The following GSTA5 variants were observed in gnomAD, a reference collection of about 807,000 sequenced individuals.
GSTA5 encodes the protein glutathione S-transferase alpha 5.
A neutral mutation model predicts 21.8 loss-of-function variants in GSTA5; 25 were observed. The observed-to-expected ratio is 1.14, with a 90% CI of 0.83 to 1.60. The LOEUF (loss-of-function observed/expected upper bound fraction) is 1.60, where lower values mean the gene tolerates loss of function less well. GSTA5 is among the 40% of genes most tolerant of loss of function. The probability of loss-of-function intolerance (pLI) is 0.00; values close to 1 mark genes in which losing one functional copy is unlikely to be tolerated. For missense variants in GSTA5, 330 were observed against 259.2 expected, an observed-to-expected ratio of 1.27 and a Z score of -1.88; for synonymous variants, 102 against 89.5, an observed-to-expected ratio of 1.14 and a Z score of -0.78.
Position 52,840,061 on chromosome 6 carries a change from C to T in GSTA5, c.87+666G>A, listed in dbSNP as rs543729817. On this transcript the variant is annotated intron_variant, in intron 1 of 5. Transcript: ENST00000370989. ...TTAATAGGTAGTTTGTTACAATCCA[C>T]TCCCTTACACCTCTCATTTATAGTT... Among the ~76,000 whole-genome samples the T allele has an allele frequency of 2.9e-3, 444 of 152,360 alleles. 2 individuals carry two copies. The highest frequency in any genetic ancestry group is 0.01 in the African/African-American group (422 of 41,586).
At chr6:52,836,305 G>A (rs771818589) in exon 3 of GSTA5, 1 of 1,613,544 alleles carries the variant, frequency 6.2e-7, no homozygotes, top group African/African-American at 1.3e-5. Context: ...AATGGCTCTG[G>A]TCTGCACCAG....
In GSTA5 at chr6:52,836,228, T is replaced by C; in HGVS notation, c.272+8A>G. ...TCTGTGGATGGAAGAACAGAAAATA[T>C]ACCATACAGGGCTCTCTCCTTCATG... is the stretch of plus-strand genomic sequence containing the variant. On this transcript the variant is annotated splice_region_variant and intron_variant, in intron 3 of 5. Transcript: ENST00000370989. 1 of 1,612,128 alleles carries C rather than the reference T, an allele frequency of 6.2e-7. No individual in the cohort carries two copies. Among genetic ancestry groups the C allele is most frequent in the Non-Finnish European group, 8.5e-7 (1 of 1,179,418 alleles).
chr6:52,834,065 C>A (rs1764256479), intron 4 of GSTA5, 76 bp downstream of exon 4: 1 of 1,533,984 alleles, frequency 6.5e-7, no homozygotes, highest in African/African-American at 1.4e-5. Context: ...GGTCAGTGGC[C>A]CCAGGAATGC....
intron 5 of GSTA5, 112 bp from the exon 6 acceptor site, chr6:52,832,082 G>A: frequency 1.4e-6 from 2 of 1,447,852 alleles, no homozygotes; most frequent in South Asian, 1.5e-5. Context: ...TCCCCTCCAT[G>A]AGTACCAGCA....
At chr6:52,835,154 C>T (rs1230966490) in intron 3 of GSTA5, among the ~76,000 whole-genome samples, 3 of 152,150 alleles carry the variant, frequency 2.0e-5, no homozygotes, top group Non-Finnish European at 4.4e-5. Flanking sequence ...GTACCATTAG[C>T]GGTATTCTTC....
chr6:52,834,412 C>T, intron 3 of GSTA5, 130 bp from the exon 4 acceptor site: 1 of 776,000 alleles, frequency 1.3e-6, no homozygotes, highest in African/African-American at 1.7e-5. Flanking sequence ...CTTTTATACG[C>T]TAGTCATTAT....
chr6:52,840,047 T>C (rs1764350097), intron 1 of GSTA5, among the ~76,000 whole-genome samples: 1 of 152,236 alleles, frequency 6.6e-6, no homozygotes, highest in Admixed American at 6.5e-5. Context: ...TAATAGGTAG[T>C]TTGTTACAAT....
intron 5 of GSTA5, 69 bp downstream of exon 5, chr6:52,832,790 C>G (rs1036793316): frequency 1.2e-6 from 2 of 1,607,384 alleles, no homozygotes; most frequent in Non-Finnish European, 1.7e-6. Context: ...TGGTCAGTCC[C>G]GGGGCCCAGA....
intron 3 of GSTA5, among the ~76,000 whole-genome samples, chr6:52,834,851 G>T (rs557348426): frequency 6.6e-6 from 1 of 152,220 alleles, no homozygotes; most frequent in East Asian, 1.9e-4. Context: ...CTCTCCATGT[G>T]CTGTTGCCTA....
At chr6:52,834,627 G>A (rs1466079069) in intron 3 of GSTA5, among the ~76,000 whole-genome samples, 1 of 152,180 alleles carries the variant, frequency 6.6e-6, no homozygotes, top group African/African-American at 2.4e-5. Flanking sequence ...GCTGTGCCAG[G>A]ATTTATCATC....
chr6:52,835,528 A>G (rs1456494661), intron 3 of GSTA5, among the ~76,000 whole-genome samples: 1 of 152,112 alleles, frequency 6.6e-6, no homozygotes, highest in Non-Finnish European at 1.5e-5. Flanking sequence ...GTTTGGGGAT[A>G]TGCCTACTAG....
chr6:52,840,999 A>C (rs2127325359), upstream of GSTA5, among the ~76,000 whole-genome samples: 1 of 152,326 alleles, frequency 6.6e-6, no homozygotes, highest in South Asian at 2.1e-4. Flanking sequence ...ATTGTTACCC[A>C]GCAGTGGCCA....
chr6:52,833,290 ATG>A (rs111785546), intron 4 of GSTA5, among the ~76,000 whole-genome samples: 9 of 420 alleles, frequency 0.021, no homozygotes, highest in Admixed American at 0.33. Context: ...ACCTGCCTCC[ATG>A]TGTTCTGTCT....
At chr6:52,841,168 A>G (rs1394207335), upstream of GSTA5, among the ~76,000 whole-genome samples, 1 of 152,216 alleles carries the variant, frequency 6.6e-6, no homozygotes, top group African/African-American at 2.4e-5. Context: ...TCCTTCCTCA[A>G]TGCTAGTCCC....
chr6:52,842,478 C>T (rs1764391944), upstream of GSTA5, among the ~76,000 whole-genome samples: 4 of 146,212 alleles, frequency 2.7e-5, no homozygotes, highest in Admixed American at 1.4e-4. Context: ...GCAATCTCAG[C>T]TCATGCAACT....
chr6:52,834,380 G>A (rs1360604033), intron 3 of GSTA5, 98 bp from the exon 4 acceptor site: 3 of 1,174,896 alleles, frequency 2.6e-6, no homozygotes, highest in South Asian at 3.0e-5. Context: ...TGGTGGCAAA[G>A]TAATTCACCT....
At chr6:52,845,127 C>T (rs1307303493), upstream of GSTA5, among the ~76,000 whole-genome samples, 1 of 152,070 alleles carries the variant, frequency 6.6e-6, no homozygotes, top group African/African-American at 2.4e-5. Context: ...CTCTGTTTCT[C>T]TCTCTCTTTC....
chr6:52,836,811 C>T (rs1764300628), intron 2 of GSTA5, among the ~76,000 whole-genome samples: 1 of 152,202 alleles, frequency 6.6e-6, no homozygotes, highest in Non-Finnish European at 1.5e-5. Context: ...CATACCCGGC[C>T]CAAACAACAT....
chr6:52,845,887 A>G, the GSTA5 span, among the ~76,000 whole-genome samples: 1 of 152,160 alleles, frequency 6.6e-6, no homozygotes, highest in East Asian at 1.9e-4. Flanking sequence ...AGATGTATCC[A>G]ACAGAAAAGA....
Sources: allele counts gnomAD v4.1 joint callset (sites outside exome capture counted in the v4.1 genomes callset), GRCh38; gene constraint gnomAD v4.1.1; transcripts MANE v1.5; gene names NCBI Gene and HGNC (gene_info 2026-07-23, HGNC 2026-07-21).